The following SCN11A variants were observed in gnomAD, a reference collection of about 807,000 sequenced individuals.
SCN11A encodes the protein sodium voltage-gated channel alpha subunit 11, also known as sodium channel protein type 11 subunit alpha.
Under a neutral mutation model 162.2 loss-of-function variants are expected in SCN11A, and 122 were observed. That is an observed-to-expected ratio of 0.75 (90% CI 0.65 to 0.87). SCN11A has a LOEUF of 0.87. SCN11A is among the 40% of genes least tolerant of loss of function. SCN11A has a pLI of 0.00. For missense variants in SCN11A, 2,015 were observed against 2,181.6 expected (o/e 0.92, Z 1.52); for synonymous variants, 758 against 751.5 (o/e 1.01, Z -0.14).
Position 38,885,281 on chromosome 3 carries a change from C to T in SCN11A, c.3064+7G>A. 6.6e-7 allele frequency: 1 copy of T among 1,512,552 alleles called. No individual in the cohort carries two copies. The highest frequency in any genetic ancestry group is 9.2e-7 in the Non-Finnish European group (1 of 1,087,486). The allele number at this position is 1,512,552 out of a possible 1,614,324, so 93.7% of individuals were successfully genotyped here. ...TGTGAACTGGATGCAGAAATACTGC[C>T]ACTTACCTTTGGGCAAACATCTCTC... On this transcript the variant is annotated splice_region_variant and intron_variant, in intron 21 of 29. Transcript: ENST00000302328.
chr3:38,847,076 T>A lies in SCN11A; in HGVS notation c.4994A>T (p.Tyr1665Phe). The A allele has an allele frequency of 6.2e-7, 1 of 1,614,130 alleles. No individual in the cohort carries two copies. Among genetic ancestry groups the A allele is most frequent in the Non-Finnish European group, 8.5e-7 (1 of 1,180,026 alleles). Residue 1665 changes from tyrosine to phenylalanine, a missense_variant, in exon 30 of 30, where the codon TAT becomes TTT. Physicochemically the swap from Tyr to Phe is conservative, Grantham distance 22. Transcript: ENST00000302328. ...EPLRVAKPNK[Y>F]QFLVMDLPMV... ...GGGCAAGTCCATTACTAGAAATTGA[T>A]ATTTATTTGGCTTTGCGACACGCAA...
chr3:39,017,080 G>A (rs1263836372), intron 2 of SCN11A, among the ~76,000 whole-genome samples: 1 of 152,110 alleles, frequency 6.6e-6, no homozygotes, highest in Non-Finnish European at 1.5e-5. Context: ...GGAGCTTTTG[G>A]GAGGTAATTA....
chr3:38,939,570 C>T (rs981731198), intron 7 of SCN11A, among the ~76,000 whole-genome samples: 4 of 152,174 alleles, frequency 2.6e-5, no homozygotes, highest in Admixed American at 1.3e-4. Flanking sequence ...GGATAATTCT[C>T]TCTTTCTTTC....
At chr3:39,036,951 G>A (rs1295746269) in intron 1 of SCN11A, among the ~76,000 whole-genome samples, 2 of 152,154 alleles carry the variant, frequency 1.3e-5, no homozygotes, top group Non-Finnish European at 2.9e-5. Flanking sequence ...ACTACTATAC[G>A]ATCCAGCAAT....
Position 38,950,106 on chromosome 3 carries a change from C to T in SCN11A, c.257G>A (p.Arg86Gln), listed in dbSNP as rs1213171012. The change falls in exon 5 of 30, where the codon CGA (arginine) becomes CAA (glutamine). Residue 86 changes from arginine (R) to glutamine (Q), a missense_variant. Arg to Gln is a conservative substitution (Grantham distance 43). Transcript: ENST00000302328. ...CGCCCAATGAAGTACCTTATGATTT[C>T]GGTAGAATGGGTCCAAGTCTTCCAG... ...KPLEDLDPFY[R>Q]NHKTFMVLNR... 4.4e-6 allele frequency: 5 copies of T among 1,136,030 alleles called. No homozygotes were observed. Among genetic ancestry groups the T allele is most frequent in the Non-Finnish European group, 4.8e-6 (4 of 828,148 alleles). 70.4% of individuals were successfully genotyped at this position (1,136,030 alleles called of 1,614,324 possible).
At chr3:38,972,606 A>G (rs2066823088) in intron 2 of SCN11A, among the ~76,000 whole-genome samples, 3 of 152,180 alleles carry the variant, frequency 2.0e-5, no homozygotes, top group African/African-American at 7.2e-5. Flanking sequence ...ACATACATAT[A>G]TATGTAAACA....
intron 2 of SCN11A, among the ~76,000 whole-genome samples, chr3:38,978,409 G>GATAT (rs2066861996): frequency 1.3e-5 from 2 of 152,170 alleles, no homozygotes; most frequent in African/African-American, 4.8e-5. Flanking sequence ...ACTTTGGGAG[G>GATAT]CCCAGGTGGG....
chr3:38,955,763 A>C (rs1322452690), intron 3 of SCN11A, among the ~76,000 whole-genome samples: 1 of 152,236 alleles, frequency 6.6e-6, no homozygotes, highest in African/African-American at 2.4e-5. Flanking sequence ...TTACAAAAAA[A>C]ATTACTTGAG....
chr3:38,990,937 A>G (rs773090364), intron 2 of SCN11A, among the ~76,000 whole-genome samples: 45 of 152,114 alleles, frequency 3.0e-4, no homozygotes, highest in Admixed American at 7.2e-4. Flanking sequence ...GAGACACTGC[A>G]GGCACAAATG....
intron 2 of SCN11A, among the ~76,000 whole-genome samples, chr3:39,000,780 T>C (rs977584899): frequency 5.3e-5 from 8 of 152,214 alleles, no homozygotes; most frequent in African/African-American, 1.9e-4. Context: ...CTCACTCCTG[T>C]AATTTCAGCA....
intron 2 of SCN11A, among the ~76,000 whole-genome samples, chr3:38,990,026 A>G (rs1307112408): frequency 2.0e-5 from 3 of 152,138 alleles, no homozygotes; most frequent in Non-Finnish European, 2.9e-5. Context: ...TTACAGGAGA[A>G]TTCACTCTAA....
chr3:39,040,732 T>C (rs2032029106), intron 1 of SCN11A, among the ~76,000 whole-genome samples: 1 of 152,068 alleles, frequency 6.6e-6, no homozygotes, highest in South Asian at 2.1e-4. Flanking sequence ...ATTCTGCTAA[T>C]GAAATAAAAA....
At chr3:38,866,127 T>C (rs578048709) in intron 27 of SCN11A, among the ~76,000 whole-genome samples, 3 of 151,920 alleles carry the variant, frequency 2.0e-5, no homozygotes, top group Admixed American at 2.0e-4. Flanking sequence ...AAACAACCTA[T>C]AAATGTCCAA....
intron 15 of SCN11A, among the ~76,000 whole-genome samples, chr3:38,904,634 G>A (rs1003325607): frequency 6.6e-6 from 1 of 152,068 alleles, no homozygotes. Flanking sequence ...GATGCAGTAG[G>A]CTTAAAAGTG....
In SCN11A at chr3:38,904,075, G is replaced by T. The variant is rs149552611; in HGVS notation, c.1632C>A (p.Leu544=). The part of the protein sequence containing the change: ...KEQEKSQEPC[L]PCGENLASKY... ...TGGATGCCAGGTTTTCTCCACAAGG[G>T]AGACAAGGCTCTTGTGATTTTTCTT... Residue 544 remains leucine, a synonymous_variant, in exon 16 of 30, where the codon CTC becomes CTA. Coordinates refer to ENST00000302328, the MANE Select transcript of SCN11A (RefSeq NM_001349253.2). The T allele has an allele frequency of 1.5e-4, 241 of 1,585,972 alleles. No individual in the cohort carries two copies. In the East Asian group the frequency reaches 3.5e-3, roughly 23 times the overall value.
intron 23 of SCN11A, among the ~76,000 whole-genome samples, chr3:38,878,512 C>T (rs1575236350): frequency 6.6e-6 from 1 of 152,170 alleles, no homozygotes; most frequent in African/African-American, 2.4e-5. Context: ...ATCATCTGTT[C>T]ACACAGTTTT....
At chr3:39,036,911 T>C (rs2031917845) in intron 1 of SCN11A, among the ~76,000 whole-genome samples, 1 of 152,198 alleles carries the variant, frequency 6.6e-6, no homozygotes, top group Non-Finnish European at 1.5e-5. Flanking sequence ...GAGAACAGTA[T>C]AGAAGTTCCC....
chr3:39,036,033 C>A (rs1322718747), intron 1 of SCN11A, among the ~76,000 whole-genome samples: 2 of 152,238 alleles, frequency 1.3e-5, no homozygotes, highest in African/African-American at 4.8e-5. Flanking sequence ...TGGGAGGTCA[C>A]CACATTGATG....
chr3:38,921,266 G>A lies in SCN11A; in HGVS notation c.713-11C>T, dbSNP rs773367482. On this transcript the variant is annotated splice_polypyrimidine_tract_variant and intron_variant, in intron 9 of 29. Coordinates refer to ENST00000302328, the MANE Select transcript of SCN11A (RefSeq NM_001349253.2). ...CGATGACCTTCAGACCTGAGAAAGA[G>A]GACAGGCTTGGGGAGAAGCCCATCC... 3 of 1,612,640 alleles carry A rather than the reference G, an allele frequency of 1.9e-6. No individual in the cohort carries two copies. Among genetic ancestry groups the A allele is most frequent in the Non-Finnish European group, 2.5e-6 (3 of 1,179,388 alleles).
Sources: gnomAD v4.1 joint callset for allele counts (sites outside exome capture counted in the v4.1 genomes callset) on GRCh38, gnomAD v4.1.1 for gene constraint, MANE v1.5 for transcripts, NCBI Gene and HGNC (gene_info 2026-07-23, HGNC 2026-07-21) for gene names.